The following ZNF280C variants were observed in gnomAD, a reference collection of about 807,000 sequenced individuals.
The protein encoded by ZNF280C is suppressor of hairy wing homolog 3.
A neutral mutation model predicts 53.6 loss-of-function variants in ZNF280C; 14 were observed. That is an observed-to-expected ratio of 0.26 (90% confidence interval 0.17 to 0.41). ZNF280C has a LOEUF of 0.41. ZNF280C is among the 10% of genes least tolerant of loss of function. The pLI is 1.00. For missense variants in ZNF280C, 416 were observed against 547.1 expected (o/e 0.76, Z 2.39); for synonymous variants, 203 against 181.1 (o/e 1.12, Z -0.97).
chrX:130,245,787 T>A (rs1256336468), intron 3 of ZNF280C, among the ~76,000 whole-genome samples: 1 of 109,555 alleles, frequency 9.1e-6, no homozygotes, highest in Non-Finnish European at 1.9e-5. Flanking sequence ...TTGAGGACTT[T>A]TTTTTTTTCT....
At chrX:130,259,525 G>A (rs2032608197) in intron 2 of ZNF280C, among the ~76,000 whole-genome samples, 1 of 112,154 alleles carries the variant, frequency 8.9e-6, no homozygotes, top group Non-Finnish European at 1.9e-5. Context: ...AACATATATA[G>A]TATGATCTTA....
At chrX:130,221,225 T>C (rs747609568) in intron 12 of ZNF280C, among the ~76,000 whole-genome samples, 3 of 111,872 alleles carry the variant, frequency 2.7e-5, no homozygotes, top group African/African-American at 6.5e-5. Flanking sequence ...TACTGGATCA[T>C]ACCATAGGTA....
At position 130,252,944 on chromosome X, in the gene ZNF280C, G is replaced by T. The variant is rs757826038; in HGVS notation, c.32-5939C>A. On this transcript the variant is annotated intron_variant, in intron 2 of 18. Coordinates refer to ENST00000370978, the MANE Select transcript of ZNF280C (RefSeq NM_017666.5). ...AATCAGGCAAGAGAAAGAAATAGAC[G>T]GCATCCACATAGGAAGACAGGAAGT... 8.1e-5 allele frequency among the ~76,000 whole-genome samples: 9 copies of T among 111,290 alleles called. No homozygotes were observed. In the South Asian group the frequency reaches 3.4e-3, roughly 42 times the overall value.
Position 130,206,880 on chromosome X carries a change from TATG to T in ZNF280C, c.2043-1468_2043-1466del, listed in dbSNP as rs200432204. Reference sequence around the variant, plus strand: ...AAAACATTCAATATTTCAAACGTTTTATGATGTTAACGATTTATCGAGTACTTA... The same window carrying T: ...AAAACATTCAATATTTCAAACGTTTTATGTTAACGATTTATCGAGTACTTA... On this transcript the variant is annotated intron_variant, in intron 16 of 18. Transcript: ENST00000370978. Among the ~76,000 whole-genome samples, 763 of 112,512 alleles carry T rather than the reference TATG, an allele frequency of 6.8e-3. 7 individuals are homozygous for T. The highest frequency in any genetic ancestry group is 0.024 in the African/African-American group (736 of 30,975).
In ZNF280C at chrX:130,236,601, T is replaced by C. The variant is rs2032337805; in HGVS notation, c.532A>G (p.Thr178Ala). The change falls in exon 7 of 19, where the codon ACT becomes GCT. Residue 178 changes from threonine (T) to alanine (A), a missense_variant. Around this residue, in one of 3 missense-constraint regions of ZNF280C, gnomAD observed 193 missense variants for 201.4 expected, o/e 0.96. Coordinates refer to ENST00000370978, the MANE Select transcript of ZNF280C (RefSeq NM_017666.5). ...GGAGTAACACTGTTTACTTTAGAAG[T>C]AGAAGGATGTTTCAACACATATGAA... Reference protein sequence around the residue: ...NTSYVLKHPSTSKVNSVTPKK... With the variant: ...NTSYVLKHPSASKVNSVTPKK... 5.0e-6 allele frequency: 6 copies of C among 1,192,695 alleles called. No individual in the cohort carries two copies. In the Admixed American group the frequency reaches 6.7e-5, roughly 13 times the overall value.
At chrX:130,213,105 G>GA (rs1242578149) in intron 15 of ZNF280C, among the ~76,000 whole-genome samples, 2 of 112,127 alleles carry the variant, frequency 1.8e-5, no homozygotes, top group Non-Finnish European at 3.8e-5. Context: ...TGTAATCCCA[G>GA]AACTTTGGGA....
chrX:130,234,786 A>G (rs2032314277), intron 8 of ZNF280C, among the ~76,000 whole-genome samples: 1 of 111,872 alleles, frequency 8.9e-6, no homozygotes, highest in African/African-American at 3.3e-5. Flanking sequence ...GTGGCGTGTT[A>G]CCTTAATCCC....
At chrX:130,250,603 GAAT>G (rs748769200) in intron 2 of ZNF280C, among the ~76,000 whole-genome samples, 12 of 111,748 alleles carry the variant, frequency 1.1e-4, no homozygotes, top group Admixed American at 2.8e-4. Context: ...GCCCTGAATA[GAAT>G]AATAACGAGC....
At position 130,243,573 on chromosome X, in the gene ZNF280C, G is replaced by A. The variant is rs2032416864; in HGVS notation, c.371C>T (p.Ala124Val). The change falls in exon 5 of 19, where the codon GCG becomes GTG. Residue 124 changes from alanine (A) to valine (V), a missense_variant. By Grantham distance (64) the Ala-to-Val change is moderately conservative. This residue lies in a region of ZNF280C where 193 missense variants were observed against 201.4 expected (regional missense o/e 0.96). Coordinates refer to ENST00000370978, the MANE Select transcript of ZNF280C (RefSeq NM_017666.5). ...TTTATAAACACTTACAGGTTTAGAC[G>A]CATTCTCAACAGTAACAGAGCTTTG... is the stretch of plus-strand genomic sequence containing the variant. ...SSQSSVTVEN[A>V]SKPDFTKNSQ... The A allele has an allele frequency of 3.3e-6, 4 of 1,206,866 alleles. No individual in the cohort carries two copies. The highest frequency in any genetic ancestry group is 1.8e-5 in the South Asian group (1 of 56,025).
At chrX:130,225,378 T>C (rs2032210107) in intron 12 of ZNF280C, among the ~76,000 whole-genome samples, 1 of 110,783 alleles carries the variant, frequency 9.0e-6, no homozygotes, top group South Asian at 3.9e-4. Flanking sequence ...TAATAGGTAT[T>C]GTGCAAATAA....
intron 2 of ZNF280C, among the ~76,000 whole-genome samples, chrX:130,248,631 T>C (rs1412258456): frequency 9.0e-6 from 1 of 111,382 alleles, no homozygotes; most frequent in Non-Finnish European, 1.9e-5. Flanking sequence ...TGAGCACTCT[T>C]TGGTCAGCTG....
intron 13 of ZNF280C, among the ~76,000 whole-genome samples, chrX:130,219,984 T>C (rs919248121): frequency 1.8e-5 from 2 of 111,553 alleles, no homozygotes; most frequent in African/African-American, 3.3e-5. Context: ...TTTAATATTA[T>C]ATTCAATAGA....
intron 3 of ZNF280C, among the ~76,000 whole-genome samples, chrX:130,246,606 A>G (rs1260188288): frequency 8.9e-6 from 1 of 112,248 alleles, no homozygotes; most frequent in Non-Finnish European, 1.9e-5. Flanking sequence ...AATGCTGTTC[A>G]GGTCATCTTA....
intron 16 of ZNF280C, 85 bp downstream of exon 16, chrX:130,209,568 T>C: frequency 1.1e-6 from 1 of 890,981 alleles, no homozygotes; most frequent in Non-Finnish European, 1.6e-6. Context: ...AACTCTATCA[T>C]TTCCAAAGCA....
At chrX:130,220,145 G>A (rs1336411541) in intron 13 of ZNF280C, among the ~76,000 whole-genome samples, 1 of 110,500 alleles carries the variant, frequency 9.0e-6, no homozygotes, top group Non-Finnish European at 1.9e-5. Flanking sequence ...ATCACCTCAA[G>A]TATTTATCAT....
Position 130,243,879 on chromosome X carries a change from T to C in ZNF280C, c.179-14A>G. The C allele has an allele frequency of 1.9e-6, 2 of 1,050,184 alleles. No homozygotes were observed. Among genetic ancestry groups the C allele is most frequent in the Non-Finnish European group, 2.5e-6 (2 of 793,538 alleles). The allele number at this position is 1,050,184 out of a possible 1,213,427, so 86.5% of individuals were successfully genotyped here. ...TGTTCAAAATATCTATAAAATTATA[T>C]TTATTTTAAAATTTGTTATGTGAAT... On this transcript the variant is annotated splice_polypyrimidine_tract_variant and intron_variant, in intron 3 of 18. Transcript: ENST00000370978.
At chrX:130,248,766 T>A (rs1365394807) in intron 2 of ZNF280C, among the ~76,000 whole-genome samples, 2 of 112,374 alleles carry the variant, frequency 1.8e-5, no homozygotes, top group African/African-American at 6.5e-5. Context: ...CCAGCAGGGT[T>A]GCCCCTGTGG....
At position 130,215,684 on chromosome X, in the gene ZNF280C, T is replaced by C; in HGVS notation, c.1838+107A>G. On this transcript the variant is annotated intron_variant, in intron 14 of 18. Transcript: ENST00000370978. ...CTTTTTCTCATTTGCTTGGTCTTTA[T>C]GCCAGATAAGTGATTATCATGTAAA... The C allele has an allele frequency of 2.6e-5, 21 of 800,235 alleles. No homozygotes were observed. The South Asian group carries it at 6.7e-4, about 26-fold the overall frequency. The allele number at this position is 800,235 out of a possible 1,213,427, so 65.9% of individuals were successfully genotyped here. A position where few individuals can be genotyped will look rare whatever the true frequency, so the allele number is the denominator to read the frequency against.
chrX:130,206,099 T>A (rs2031970387), intron 16 of ZNF280C, among the ~76,000 whole-genome samples: 1 of 110,677 alleles, frequency 9.0e-6, no homozygotes, highest in Non-Finnish European at 1.9e-5. Context: ...ATTCATTTGC[T>A]GACAACCTTC....
Sources: allele counts gnomAD v4.1 joint callset (sites outside exome capture counted in the v4.1 genomes callset), GRCh38; gene constraint gnomAD v4.1.1; regional missense constraint gnomAD v4.1.1; transcripts MANE v1.5; gene names NCBI Gene and HGNC (gene_info 2026-07-23, HGNC 2026-07-21).